Variants in ARID3B observed in about 807,000 individuals in gnomAD.
ARID3B encodes AT-rich interactive domain-containing protein 3B.
A neutral mutation model predicts 51.9 loss-of-function variants in ARID3B; 10 were observed. The ratio of observed to expected loss-of-function variants is 0.19; its 90% confidence interval spans 0.12 to 0.33. The LOEUF (loss-of-function observed/expected upper bound fraction) is 0.33. Ranked by LOEUF, ARID3B falls within the 10% of genes least tolerant of loss-of-function variation. ARID3B has a pLI of 1.00. For missense variants in ARID3B, 483 were observed against 716.3 expected, an observed-to-expected ratio of 0.67 and a Z score of 3.72; for synonymous variants, 205 against 279.5, an observed-to-expected ratio of 0.73 and a Z score of 2.66.
At chr15:74,551,337 A>C (rs2061636684) in intron 2 of ARID3B, among the ~76,000 whole-genome samples, 1 of 152,242 alleles carries the variant, frequency 6.6e-6, no homozygotes, top group Admixed American at 6.5e-5. Flanking sequence ...ATGTGAGCTT[A>C]AACCATGGCG....
intron 4 of ARID3B, among the ~76,000 whole-genome samples, chr15:74,587,401 C>G (rs1481573072): frequency 1.3e-5 from 2 of 152,144 alleles, no homozygotes; most frequent in African/African-American, 2.4e-5. Context: ...AGTGCTGACA[C>G]GAGGTTCCTG....
rs887452260 is a variant in ARID3B, at chr15:74,563,273, G to T, written c.553-9589G>T. On this transcript the variant is annotated intron_variant, in intron 2 of 8. Transcript: ENST00000346246. ...ATCATAGTAGCACCCCAGGATGGGGGTGTGGACCTGGAGGAAGCCTTAGGA... is the reference window on the plus strand; with the variant it reads ...ATCATAGTAGCACCCCAGGATGGGGTTGTGGACCTGGAGGAAGCCTTAGGA... 2.6e-5 allele frequency among the ~76,000 whole-genome samples: 4 copies of T among 152,178 alleles called. No individual in the cohort carries two copies. In the East Asian group the frequency reaches 5.8e-4, roughly 22 times the overall value.
intron 2 of ARID3B, among the ~76,000 whole-genome samples, chr15:74,555,172 G>C (rs2061652895): frequency 6.6e-6 from 1 of 152,068 alleles, no homozygotes; most frequent in Non-Finnish European, 1.5e-5. Flanking sequence ...ACAATAACAA[G>C]TATCTGAGCC....
chr15:74,564,696 G>C (rs1456114865), intron 2 of ARID3B, among the ~76,000 whole-genome samples: 3 of 152,126 alleles, frequency 2.0e-5, no homozygotes, highest in Admixed American at 2.0e-4. Context: ...CATCTTTCAG[G>C]CTCAAGCAAT....
At chr15:74,586,041 C>T (rs149944530) in intron 4 of ARID3B, among the ~76,000 whole-genome samples, 3 of 152,250 alleles carry the variant, frequency 2.0e-5, no homozygotes, top group Non-Finnish European at 4.4e-5. Context: ...TGCGCCCAAT[C>T]TCCTTATCAG....
intron 2 of ARID3B, among the ~76,000 whole-genome samples, chr15:74,551,684 G>C (rs1389726060): frequency 1.3e-5 from 2 of 152,136 alleles, no homozygotes; most frequent in African/African-American, 4.8e-5. Context: ...TTTTACCTGA[G>C]TCAGTTGTTA....
rs2061827962 is a variant in ARID3B, at chr15:74,596,815, T to A, written c.*1041T>A. 8.6e-6 allele frequency: 2 copies of A among 233,476 alleles called. No homozygotes were observed. The highest frequency in any genetic ancestry group is 1.7e-5 in the Non-Finnish European group (2 of 117,976). The allele number at this position is 233,476 out of a possible 1,614,324, so 14.5% of individuals were successfully genotyped here. A position where few individuals can be genotyped will look rare whatever the true frequency, so the allele number is the denominator to read the frequency against. On this transcript the variant is annotated 3_prime_UTR_variant, in exon 9 of 9. Transcript: ENST00000346246. The stretch of plus-strand genomic sequence containing the variant: ...CTTTTGTTTTTTTTTTATTTTAAAA[T>A]TTTTATCGTAGCACCAAAGAAATGA...
chr15:74,557,848 GTC>G (rs762161345), intron 2 of ARID3B, among the ~76,000 whole-genome samples: 52 of 131,530 alleles, frequency 4.0e-4, no homozygotes, highest in Non-Finnish European at 7.6e-4. Context: ...TTGAGACGGA[GTC>G]TCACTCTGTC....
intron 4 of ARID3B, among the ~76,000 whole-genome samples, chr15:74,584,501 C>A (rs1015212341): frequency 1.3e-5 from 2 of 152,158 alleles, no homozygotes; most frequent in African/African-American, 4.8e-5. Flanking sequence ...TGGGCCCTCA[C>A]CCCTGCCCAG....
intron 4 of ARID3B, among the ~76,000 whole-genome samples, chr15:74,587,348 T>G (rs1232800656): frequency 6.6e-6 from 1 of 152,156 alleles, no homozygotes; most frequent in African/African-American, 2.4e-5. Flanking sequence ...TCATGAAGCC[T>G]TCTAACACCC....
chr15:74,577,061 T>C (rs988812388), intron 4 of ARID3B, among the ~76,000 whole-genome samples: 1 of 152,200 alleles, frequency 6.6e-6, no homozygotes, highest in Non-Finnish European at 1.5e-5. Context: ...TGGCAGTGTA[T>C]AGTTGGGCTA....
chr15:74,594,349 G>A (rs2061815829), intron 8 of ARID3B, among the ~76,000 whole-genome samples: 1 of 152,222 alleles, frequency 6.6e-6, no homozygotes, highest in African/African-American at 2.4e-5. Context: ...TCGGGAGGCT[G>A]AGGCAGGAGA....
intron 2 of ARID3B, among the ~76,000 whole-genome samples, chr15:74,562,123 T>C (rs1179662330): frequency 6.7e-6 from 1 of 150,154 alleles, no homozygotes; most frequent in East Asian, 2.0e-4. Flanking sequence ...CCGACAACGG[T>C]ATTTTCTTTT....
At chr15:74,588,578 C>T (rs996426104) in intron 4 of ARID3B, among the ~76,000 whole-genome samples, 19 of 152,174 alleles carry the variant, frequency 1.2e-4, no homozygotes, top group African/African-American at 4.6e-4. Flanking sequence ...TCATACCCTG[C>T]CCTGGACGGT....
chr15:74,584,009 T>TCCTTTCCCGTTTCTTTTTCCTTTC (rs1255337942), intron 4 of ARID3B, among the ~76,000 whole-genome samples: 11 of 152,224 alleles, frequency 7.2e-5, no homozygotes, highest in Non-Finnish European at 1.3e-4. Context: ...TTTTTCCTTT[T>TCCTTTCCCGTTTCTTTTTCCTTTC]CCTTTCCCGT....
chr15:74,557,781 C>T (rs1416826777), intron 2 of ARID3B, among the ~76,000 whole-genome samples: 1 of 143,580 alleles, frequency 7.0e-6, no homozygotes, highest in Non-Finnish European at 1.5e-5. Context: ...CTCTGCTATT[C>T]TGCACTTTAA....
rs934312608 is a variant in ARID3B at position 74,565,342 on chromosome 15, G to A, written c.553-7520G>A. 2.3e-4 allele frequency among the ~76,000 whole-genome samples: 35 copies of A among 152,082 alleles called. 1 individual carries two copies. Among genetic ancestry groups the A allele is most frequent in the African/African-American group, 8.2e-4 (34 of 41,390 alleles). ...GCTGGGATTACAGGTGTGAGCCACC[G>A]CACCCTGTTCTGTGTCTTCAGAGAA... On this transcript the variant is annotated intron_variant, in intron 2 of 8. Transcript: ENST00000346246.
chr15:74,581,442 T>C (rs955049239), intron 4 of ARID3B, among the ~76,000 whole-genome samples: 57 of 152,260 alleles, frequency 3.7e-4, no homozygotes, highest in African/African-American at 1.3e-3. Context: ...GTCTGTGCCC[T>C]GGACACCCTT....
chr15:74,595,257 C>G (rs1352491513), intron 8 of ARID3B, among the ~76,000 whole-genome samples: 2 of 152,206 alleles, frequency 1.3e-5, no homozygotes. Flanking sequence ...AGTCTGGTCT[C>G]AAACTCCTGG....
Sources: gnomAD v4.1 joint callset for allele counts (sites outside exome capture counted in the v4.1 genomes callset) on GRCh38, gnomAD v4.1.1 for gene constraint, MANE v1.5 for transcripts, NCBI Gene and HGNC (gene_info 2026-07-23, HGNC 2026-07-21) for gene names.